HS3ST5: variants seen among roughly 807,000 people sequenced by gnomAD.
HS3ST5 encodes heparan sulfate glucosamine 3-O-sulfotransferase 5.
A neutral mutation model predicts 25.4 loss-of-function variants in HS3ST5; 10 were observed. The observed-to-expected ratio is 0.39, with a 90% CI of 0.24 to 0.67. HS3ST5 has a LOEUF of 0.67. HS3ST5 is among the 30% of genes least tolerant of loss of function. The pLI, the probability that HS3ST5 is intolerant of heterozygous loss-of-function variation, is 0.44. For synonymous variants in HS3ST5, 170 were observed against 162.4 expected, an observed-to-expected ratio of 1.05 and a Z score of -0.36; for missense variants, 324 against 420.7, an observed-to-expected ratio of 0.77 and a Z score of 2.01.
intron 2 of HS3ST5, among the ~76,000 whole-genome samples, chr6:114,177,726 A>C (rs1432169924): frequency 1.3e-5 from 2 of 152,224 alleles, no homozygotes; most frequent in Admixed American, 1.3e-4. Context: ...TCCTTTTGTA[A>C]GAGTTTGTTT....
intron 1 of HS3ST5, among the ~76,000 whole-genome samples, chr6:114,279,015 C>G (rs145520001): frequency 8.5e-4 from 129 of 152,078 alleles, no homozygotes; most frequent in Non-Finnish European, 1.3e-3. Context: ...GATAAATAGG[C>G]AGTAAACTAT....
chr6:114,309,292 G>C (rs953281263), intron 1 of HS3ST5, among the ~76,000 whole-genome samples: 1 of 152,222 alleles, frequency 6.6e-6, no homozygotes, highest in Non-Finnish European at 1.5e-5. Flanking sequence ...GAGTTGTCCA[G>C]AAGAGATTTA....
At chr6:114,338,432 C>A (rs1186540094) in intron 1 of HS3ST5, among the ~76,000 whole-genome samples, 4 of 151,174 alleles carry the variant, frequency 2.6e-5, no homozygotes, top group African/African-American at 9.7e-5. Context: ...ACTCTTCAAC[C>A]ATTTCTTAAT....
At chr6:114,061,718 G>C (rs1024849567) in intron 4 of HS3ST5, among the ~76,000 whole-genome samples, 1 of 152,194 alleles carries the variant, frequency 6.6e-6, no homozygotes, top group Non-Finnish European at 1.5e-5. Context: ...GGGAGGCCAA[G>C]GCAGGTGGAT....
intron 3 of HS3ST5, among the ~76,000 whole-genome samples, chr6:114,139,183 T>C (rs183598398): frequency 2.0e-5 from 3 of 152,306 alleles, no homozygotes; most frequent in East Asian, 3.9e-4. Context: ...TTGTTCTCAC[T>C]GCAGTGACTG....
chr6:114,306,256 T>TATATACACACAC (rs756494412), intron 1 of HS3ST5, among the ~76,000 whole-genome samples: 3 of 115,420 alleles, frequency 2.6e-5, no homozygotes, highest in African/African-American at 9.0e-5. Context: ...TATATATATA[T>TATATACACACAC]ACACACACAC....
chr6:114,270,600 C>G (rs951094044), intron 1 of HS3ST5, among the ~76,000 whole-genome samples: 5 of 152,102 alleles, frequency 3.3e-5, no homozygotes, highest in African/African-American at 4.8e-5. Flanking sequence ...GCTGTAGAGA[C>G]AGCTCTGGAA....
chr6:114,233,945 G>T (rs534104459), intron 1 of HS3ST5, among the ~76,000 whole-genome samples: 4 of 152,272 alleles, frequency 2.6e-5, no homozygotes, highest in South Asian at 2.1e-4. Flanking sequence ...GAAAACAGTT[G>T]GGCTGGGAAT....
At chr6:114,060,416 A>G (rs931796662) in intron 4 of HS3ST5, among the ~76,000 whole-genome samples, 2 of 152,234 alleles carry the variant, frequency 1.3e-5, no homozygotes, top group Non-Finnish European at 2.9e-5. Context: ...AGGGCTTTAA[A>G]TGGAGGATGT....
intron 3 of HS3ST5, among the ~76,000 whole-genome samples, chr6:114,137,990 C>G (rs1777713845): frequency 6.6e-6 from 1 of 151,948 alleles, no homozygotes; most frequent in Non-Finnish European, 1.5e-5. Flanking sequence ...GCTAGGTACT[C>G]TAAATACTTA....
chr6:114,340,522 T>G (rs1299984244), intron 1 of HS3ST5: 3 of 152,198 alleles, frequency 2.0e-5, no homozygotes, highest in Non-Finnish European at 4.4e-5. Flanking sequence ...TCTCCATCAG[T>G]TCACTGGTGA....
At chr6:114,120,652 C>T (rs1354587671) in intron 3 of HS3ST5, among the ~76,000 whole-genome samples, 1 of 151,960 alleles carries the variant, frequency 6.6e-6, no homozygotes, top group Non-Finnish European at 1.5e-5. Context: ...ATTTGAGAAC[C>T]TTTCTAGTAA....
intron 2 of HS3ST5, among the ~76,000 whole-genome samples, chr6:114,211,070 C>A (rs1247161612): frequency 6.6e-6 from 1 of 152,190 alleles, no homozygotes; most frequent in Non-Finnish European, 1.5e-5. Context: ...TTAGGCATGG[C>A]TGCAGATGTG....
chr6:114,259,814 T>C (rs1417414440), intron 1 of HS3ST5, among the ~76,000 whole-genome samples: 1 of 152,152 alleles, frequency 6.6e-6, no homozygotes, highest in Non-Finnish European at 1.5e-5. Context: ...CAATCCACAA[T>C]GCACAGGTTT....
chr6:114,075,449 T>A (rs1774067951), intron 3 of HS3ST5, among the ~76,000 whole-genome samples: 1 of 152,210 alleles, frequency 6.6e-6, no homozygotes. Context: ...ACATGCAAAG[T>A]GAAGTCTTCA....
intron 1 of HS3ST5, among the ~76,000 whole-genome samples, chr6:114,335,355 G>T (rs1033877702): frequency 2.6e-5 from 4 of 151,182 alleles, no homozygotes; most frequent in South Asian, 2.1e-4. Flanking sequence ...GATCTCTTAA[G>T]TCAAGTTATT....
intron 1 of HS3ST5, among the ~76,000 whole-genome samples, chr6:114,310,325 A>G (rs2114841502): frequency 6.6e-6 from 1 of 152,352 alleles, no homozygotes; most frequent in Admixed American, 6.5e-5. Context: ...TAGTTGTGTA[A>G]GAAAAGGTTT....
intron 2 of HS3ST5, among the ~76,000 whole-genome samples, chr6:114,211,073 C>G (rs1016823122): frequency 2.6e-5 from 4 of 152,200 alleles, no homozygotes; most frequent in African/African-American, 9.6e-5. Context: ...GGCATGGCTG[C>G]AGATGTGACC....
intron 3 of HS3ST5, among the ~76,000 whole-genome samples, chr6:114,133,998 G>A (rs1436519538): frequency 1.3e-5 from 2 of 152,100 alleles, no homozygotes; most frequent in Non-Finnish European, 2.9e-5. Flanking sequence ...CAGAAAGAGA[G>A]GGCGGCGGGG....
Sources: allele counts gnomAD v4.1 joint callset (sites outside exome capture counted in the v4.1 genomes callset), GRCh38; gene constraint gnomAD v4.1.1; transcripts MANE v1.5; gene names NCBI Gene and HGNC (gene_info 2026-07-23, HGNC 2026-07-21).